The following PCDHGA1 variants were observed in gnomAD, a reference collection of about 807,000 sequenced individuals.
PCDHGA1 encodes the protein protocadherin gamma-A1.
In PCDHGA1, 32 loss-of-function variants were observed where a neutral mutation model predicts 58.0. That is an observed-to-expected ratio of 0.55 (90% CI 0.42 to 0.74). The LOEUF is 0.74. Ranked by LOEUF, PCDHGA1 falls within the 30% of genes least tolerant of loss-of-function variation. The pLI is 0.00. For missense variants in PCDHGA1, 1,205 were observed against 1,182.3 expected (o/e 1.02, Z -0.28); for synonymous variants, 498 against 501.1 (o/e 0.99, Z 0.08).
intron 1 of PCDHGA1, chr5:141,375,948 A>G (rs773530247): frequency 2.5e-6 from 4 of 1,613,438 alleles, no homozygotes; most frequent in Non-Finnish European, 2.5e-6. Context: ...GTGGGCCTGC[A>G]CACGGGCGAG....
chr5:141,347,497 A>T (rs1757974142), intron 1 of PCDHGA1, among the ~76,000 whole-genome samples: 1 of 152,084 alleles, frequency 6.6e-6, no homozygotes, highest in Admixed American at 6.6e-5. Context: ...TGGAGAACAA[A>T]AATGTAGAGG....
chr5:141,341,236 C>T (rs752681745), intron 1 of PCDHGA1: 2 of 1,614,248 alleles, frequency 1.2e-6, no homozygotes, highest in South Asian at 2.2e-5. Flanking sequence ...CCTATTCCCA[C>T]GAGGTCTCCC....
intron 1 of PCDHGA1, chr5:141,362,471 ATCTCG>A: frequency 6.2e-7 from 1 of 1,614,018 alleles, no homozygotes; most frequent in Non-Finnish European, 8.5e-7. Context: ...CCCGCGCAAG[ATCTCG>A]TCTGTGACAA....
At chr5:141,407,974 G>A (rs1229330658) in intron 1 of PCDHGA1, 3 of 728,612 alleles carry the variant, frequency 4.1e-6, no homozygotes, top group African/African-American at 1.8e-5. Context: ...CGCTGACGCC[G>A]GGGATCCGTC....
intron 1 of PCDHGA1, chr5:141,404,730 C>G: frequency 6.2e-7 from 1 of 1,613,984 alleles, no homozygotes; most frequent in East Asian, 2.2e-5. Context: ...AAGGTGGTGG[C>G]AGTGGACAGA....
intron 1 of PCDHGA1, chr5:141,416,286 T>C (rs1415036175): frequency 2.0e-5 from 3 of 152,304 alleles, no homozygotes; most frequent in Non-Finnish European, 4.4e-5. Context: ...AATTCTCTAA[T>C]TTCACACTGC....
rs766260971 is a variant in PCDHGA1 at position 141,365,497 on chromosome 5, T to A, written c.2421+32392T>A. On this transcript the variant is annotated intron_variant, in intron 1 of 3. Transcript: ENST00000517417. ...AGATTGCATGCTCTATTCCTAGGAA[T>A]TTGCCTTTTAAATTGGAGAAGTCAG... 3.1e-6 allele frequency: 5 copies of A among 1,613,978 alleles called. No homozygotes were observed. The South Asian group carries it at 4.4e-5, about 14-fold the overall frequency.
chr5:141,434,784 A>C (rs967716221), intron 1 of PCDHGA1, among the ~76,000 whole-genome samples: 1 of 150,278 alleles, frequency 6.7e-6, no homozygotes, highest in African/African-American at 2.5e-5. Flanking sequence ...AAAAAAAAAA[A>C]TTTTTTTTTC....
intron 2 of PCDHGA1, among the ~76,000 whole-genome samples, chr5:141,495,193 T>C (rs1471524188): frequency 6.6e-6 from 1 of 152,192 alleles, no homozygotes; most frequent in Admixed American, 6.5e-5. Context: ...TCTATGCCCA[T>C]GTACTGCCTA....
chr5:141,388,919 G>T, intron 1 of PCDHGA1: 1 of 1,613,998 alleles, frequency 6.2e-7, no homozygotes. Flanking sequence ...CCCCAGAAGT[G>T]ATATTCCAGT....
intron 1 of PCDHGA1, chr5:141,350,776 T>C (rs2149758919): frequency 2.5e-6 from 4 of 1,613,926 alleles, no homozygotes; most frequent in Non-Finnish European, 2.5e-6. Context: ...TCAACCCCAA[T>C]CAATACTTCT....
Position 141,490,083 on chromosome 5 carries a change from T to G in PCDHGA1, c.2422-4724T>G. Reference sequence around the variant, plus strand: ...CCAACGGCCAACTAGACTATTCTTTTGGAGACCACACATCTGAGGCAGTGC... The same window carrying G: ...CCAACGGCCAACTAGACTATTCTTTGGGAGACCACACATCTGAGGCAGTGC... On this transcript the variant is annotated intron_variant, in intron 1 of 3. Coordinates refer to ENST00000517417, the MANE Select transcript of PCDHGA1 (RefSeq NM_018912.3). This position sits in a 1 kb window ranked among gnomAD's most constrained non-coding sequence, Gnocchi z 5.4. 1.2e-6 allele frequency: 2 copies of G among 1,614,262 alleles called. No individual in the cohort carries two copies. The highest frequency in any genetic ancestry group is 1.7e-6 in the Non-Finnish European group (2 of 1,180,054).
chr5:141,483,007 C>G (rs938404755), intron 1 of PCDHGA1, among the ~76,000 whole-genome samples: 1 of 152,140 alleles, frequency 6.6e-6, no homozygotes, highest in South Asian at 2.1e-4. Flanking sequence ...ATTGCTTGAA[C>G]CCGGGAGGCA....
chr5:141,333,998 C>T (rs1030580907), intron 1 of PCDHGA1: 2 of 152,046 alleles, frequency 1.3e-5, no homozygotes, highest in Admixed American at 1.3e-4. Flanking sequence ...AAGTATATAT[C>T]CTATTTTAAT....
intron 1 of PCDHGA1, chr5:141,478,453 C>T: frequency 6.2e-7 from 1 of 1,613,594 alleles, no homozygotes; most frequent in Non-Finnish European, 8.5e-7. Context: ...CTGGTGCAGC[C>T]AGTCCACTGG....
chr5:141,336,580 C>T (rs993167141), intron 1 of PCDHGA1, among the ~76,000 whole-genome samples: 2 of 152,130 alleles, frequency 1.3e-5, no homozygotes, highest in African/African-American at 4.8e-5. Context: ...GGCAATTCCA[C>T]TTATGCCACA....
At chr5:141,375,561 A>C in intron 1 of PCDHGA1, 1 of 1,614,064 alleles carries the variant, frequency 6.2e-7, no homozygotes, top group Non-Finnish European at 8.5e-7. Context: ...TCACTGGCAG[A>C]AGACACCCTC....
Position 141,487,323 on chromosome 5 carries a change from G to T in PCDHGA1, c.2422-7484G>T. The T allele has an allele frequency of 6.2e-7, 1 of 1,614,100 alleles. No homozygotes were observed. The highest frequency in any genetic ancestry group is 8.5e-7 in the Non-Finnish European group (1 of 1,180,004). On this transcript the variant is annotated intron_variant, in intron 1 of 3. Coordinates refer to ENST00000517417, the MANE Select transcript of PCDHGA1 (RefSeq NM_018912.3). This position sits in a 1 kb window ranked among gnomAD's most constrained non-coding sequence, Gnocchi z 5.0. ...GTGGCACTACTCTCTAAGTGTCTTC[G>T]TGGGGCAGCCTGTGGAGTCACATGC... is the stretch of plus-strand genomic sequence containing the variant.
chr5:141,387,687 G>A, intron 1 of PCDHGA1: 1 of 808,412 alleles, frequency 1.2e-6, no homozygotes, highest in Non-Finnish European at 1.9e-6. Context: ...CGCAGCCGCA[G>A]CGCGCTTTCC....
Sources: allele counts gnomAD v4.1 joint callset (sites outside exome capture counted in the v4.1 genomes callset), GRCh38; gene constraint gnomAD v4.1.1; non-coding constraint Gnocchi (gnomAD v3.1); transcripts MANE v1.5; gene names NCBI Gene and HGNC (gene_info 2026-07-23, HGNC 2026-07-21).